The following PARP4 variants were observed in gnomAD, a reference collection of about 807,000 sequenced individuals.
PARP4 encodes poly(ADP-ribose) polymerase family member 4.
In PARP4, 120 loss-of-function variants were observed where a neutral mutation model predicts 187.7. The ratio of observed to expected loss-of-function variants is 0.64; its 90% CI spans 0.55 to 0.74. The LOEUF is 0.74. PARP4 is among the 30% of genes least tolerant of loss of function. The probability of loss-of-function intolerance (pLI) is 0.00; values close to 1 mark genes in which losing one functional copy is unlikely to be tolerated. For missense variants in PARP4, 1,836 were observed against 2,070.5 expected (o/e 0.89, Z 2.20); for synonymous variants, 654 against 740.9 (o/e 0.88, Z 1.90).
rs1338268698 is a variant in PARP4 at position 24,512,721 on chromosome 13, A to G, written c.-17T>C. 6.6e-6 allele frequency: 1 copy of G among 152,366 alleles called. No individual in the cohort carries two copies. The highest frequency in any genetic ancestry group is 1.5e-5 in the Non-Finnish European group (1 of 68,156). 9.4% of individuals were successfully genotyped at this position (152,366 alleles called of 1,614,324 possible). On this transcript the variant is annotated 5_prime_UTR_variant, in exon 1 of 34. Coordinates refer to ENST00000381989, the MANE Select transcript of PARP4 (RefSeq NM_006437.4). ...GCCCACGCACCTGCCTAGAGGATCC[A>G]GCTAGCTCCGGACGCTCCCCGATTC...
intron 6 of PARP4, among the ~76,000 whole-genome samples, chr13:24,495,367 GA>G (rs368310017): frequency 0.012 from 1,759 of 147,702 alleles, 42 homozygotes; most frequent in African/African-American, 0.04. Context: ...TTGGAAATGA[GA>G]AAAAAAAAAT....
intron 30 of PARP4, among the ~76,000 whole-genome samples, chr13:24,441,459 G>T (rs1415113815): frequency 1.3e-5 from 2 of 152,210 alleles, no homozygotes; most frequent in Non-Finnish European, 2.9e-5. Flanking sequence ...GGTTATAAGG[G>T]CCACGGTATA....
chr13:24,427,919 T>C (rs1289296996), intron 32 of PARP4, among the ~76,000 whole-genome samples: 4 of 152,128 alleles, frequency 2.6e-5, no homozygotes, highest in African/African-American at 9.7e-5. Flanking sequence ...ATAAGCAACA[T>C]ACAACTCCAA....
intron 17 of PARP4, among the ~76,000 whole-genome samples, chr13:24,468,379 A>G (rs1872578063): frequency 6.6e-6 from 1 of 150,756 alleles, no homozygotes; most frequent in Admixed American, 6.6e-5. Flanking sequence ...ACTTCAGGAA[A>G]ATTGTAAATA....
At chr13:24,482,892 T>C (rs1873352408) in intron 12 of PARP4, among the ~76,000 whole-genome samples, 1 of 152,206 alleles carries the variant, frequency 6.6e-6, no homozygotes, top group Non-Finnish European at 1.5e-5. Context: ...GTAGCCACAG[T>C]CCACTTGTTT....
intron 12 of PARP4, among the ~76,000 whole-genome samples, chr13:24,479,324 C>T (rs1873143758): frequency 6.6e-6 from 1 of 152,146 alleles, no homozygotes; most frequent in Admixed American, 6.5e-5. Context: ...TCTTTTCCTG[C>T]AACTTACAAG....
chr13:24,473,501 A>T (rs1872823980), intron 15 of PARP4, among the ~76,000 whole-genome samples: 1 of 152,216 alleles, frequency 6.6e-6, no homozygotes, highest in Admixed American at 6.5e-5. Flanking sequence ...TTATGCAATA[A>T]AACATAGAGA....
chr13:24,428,720 C>T (rs1303050617), intron 32 of PARP4, among the ~76,000 whole-genome samples: 1 of 152,102 alleles, frequency 6.6e-6, no homozygotes, highest in Non-Finnish European at 1.5e-5. Flanking sequence ...TGATCTGCCC[C>T]CTTTGGCCTC....
At chr13:24,428,319 TA>T (rs139416468) in intron 32 of PARP4, among the ~76,000 whole-genome samples, 5,384 of 152,282 alleles carry the variant, frequency 0.035, 325 homozygotes, top group African/African-American at 0.12. Flanking sequence ...GTCTGAACAC[TA>T]AACCCTGCTG....
At chr13:24,435,535 G>C in intron 30 of PARP4, 61 bp from the exon 31 acceptor site, 1 of 1,493,438 alleles carries the variant, frequency 6.7e-7, no homozygotes, top group Non-Finnish European at 8.9e-7. Flanking sequence ...GAACAATCAA[G>C]CAAACATTCT....
In PARP4 at chr13:24,456,440, G is replaced by A; in HGVS notation, c.2463C>T (p.Gly821=). The change falls in exon 21 of 34, where the codon GGC becomes GGT. Residue 821 remains glycine, a synonymous_variant. Transcript: ENST00000381989. ...DCKAVISTME[G]SSLDSSGFSL... ...AAAATCCACTGCTGTCTAAGGAGCT[G>A]CCTTCCATGGTGCTAATGACAGCTT... 1 of 1,608,814 alleles carries A rather than the reference G, an allele frequency of 6.2e-7. No homozygotes were observed. The highest frequency in any genetic ancestry group is 8.5e-7 in the Non-Finnish European group (1 of 1,175,882).
intron 16 of PARP4, among the ~76,000 whole-genome samples, 188 bp downstream of exon 16, chr13:24,469,706 C>A (rs932781714): frequency 6.6e-6 from 1 of 152,154 alleles, no homozygotes; most frequent in Admixed American, 6.5e-5. Flanking sequence ...GGGTAGAAAC[C>A]CTTCATCACG....
intron 15 of PARP4, among the ~76,000 whole-genome samples, chr13:24,474,296 G>A (rs556673356): frequency 2.7e-5 from 4 of 150,172 alleles, no homozygotes; most frequent in South Asian, 4.4e-4. Context: ...ACATCACCAG[G>A]TCCCTTAACT....
At chr13:24,501,335 C>T (rs1442005872) in intron 3 of PARP4, among the ~76,000 whole-genome samples, 1 of 152,168 alleles carries the variant, frequency 6.6e-6, no homozygotes, top group African/African-American at 2.4e-5. Context: ...GTAGTAATCA[C>T]TGTTTAACAC....
chr13:24,461,378 T>G (rs1227728107), intron 17 of PARP4, among the ~76,000 whole-genome samples: 1 of 152,234 alleles, frequency 6.6e-6, no homozygotes, highest in African/African-American at 2.4e-5. Context: ...GTTCTGTTTC[T>G]GGGTAGGATA....
chr13:24,449,871 T>A, intron 24 of PARP4, 54 bp from the exon 25 acceptor site: 1 of 1,121,900 alleles, frequency 8.9e-7, no homozygotes, highest in Non-Finnish European at 1.4e-6. Context: ...ATTTTTGAAG[T>A]ACATGTTAAC....
intron 1 of PARP4, among the ~76,000 whole-genome samples, chr13:24,505,021 T>TTTTTA (rs1869539366): frequency 7.1e-6 from 1 of 140,624 alleles, no homozygotes; most frequent in African/African-American, 2.5e-5. Context: ...TTTTTTTTTT[T>TTTTTA]GAGTCAGGGT....
chr13:24,467,397 G>A (rs867575882), intron 17 of PARP4, among the ~76,000 whole-genome samples: 1 of 152,160 alleles, frequency 6.6e-6, no homozygotes, highest in African/African-American at 2.4e-5. Context: ...CTTTCCGGGG[G>A]AAGGCAGGAA....
intron 17 of PARP4, among the ~76,000 whole-genome samples, chr13:24,463,179 G>A (rs1474742331): frequency 6.6e-6 from 1 of 152,090 alleles, no homozygotes; most frequent in African/African-American, 2.4e-5. Flanking sequence ...ACAAGAATTA[G>A]AGCTGACTTC....
Sources: gnomAD v4.1 joint callset for allele counts (sites outside exome capture counted in the v4.1 genomes callset) on GRCh38, gnomAD v4.1.1 for gene constraint, MANE v1.5 for transcripts, NCBI Gene and HGNC (gene_info 2026-07-23, HGNC 2026-07-21) for gene names.